The following SLC30A9 variants were observed in gnomAD, a reference collection of about 807,000 sequenced individuals.
SLC30A9 encodes proton-coupled zinc antiporter SLC30A9, mitochondrial.
SLC30A9 carries 58 observed loss-of-function variants against 87.5 expected under a neutral mutation model. The ratio of observed to expected loss-of-function variants is 0.66; its 90% CI spans 0.54 to 0.82. The LOEUF (loss-of-function observed/expected upper bound fraction) is 0.82, where lower values mean the gene tolerates loss of function less well. Ranked by LOEUF, SLC30A9 falls within the 40% of genes least tolerant of loss-of-function variation. The pLI is 0.00. For synonymous variants in SLC30A9, 234 were observed against 233.0 expected (o/e 1.00, Z -0.04); for missense variants, 557 against 679.1 (o/e 0.82, Z 2.00).
At chr4:42,004,817 A>G (rs887619875) in intron 2 of SLC30A9, among the ~76,000 whole-genome samples, 1 of 151,596 alleles carries the variant, frequency 6.6e-6, no homozygotes, top group Non-Finnish European at 1.5e-5. Context: ...ACGCCCAGCT[A>G]ATTTATTTTT....
intron 8 of SLC30A9, among the ~76,000 whole-genome samples, chr4:42,042,699 T>C (rs1716972894): frequency 1.3e-5 from 2 of 152,182 alleles, no homozygotes; most frequent in African/African-American, 4.8e-5. Flanking sequence ...GAGCAGCGGA[T>C]CTCCCAGCAC....
At chr4:42,051,327 A>G (rs953477613) in intron 9 of SLC30A9, among the ~76,000 whole-genome samples, 1 of 152,240 alleles carries the variant, frequency 6.6e-6, no homozygotes, top group Admixed American at 6.5e-5. Context: ...TAATAAAGGC[A>G]GCAAAATCCA....
At position 42,018,522 on chromosome 4, in the gene SLC30A9, A is replaced by G. The variant is rs1049814630; in HGVS notation, c.334+352A>G. On this transcript the variant is annotated intron_variant, in intron 3 of 17. Coordinates refer to ENST00000264451, the MANE Select transcript of SLC30A9 (RefSeq NM_006345.4). Reference sequence around the variant, plus strand: ...CAAATCCAGGTAGAGTTTGGCCGTTATTGTCTGACTTTATTTTCTAGGAGA... The same window carrying G: ...CAAATCCAGGTAGAGTTTGGCCGTTGTTGTCTGACTTTATTTTCTAGGAGA... The G allele has an allele frequency of 1.5e-5, 12 of 825,778 alleles. No individual in the cohort carries two copies. The African/African-American group carries it at 1.8e-4, about 13-fold the overall frequency. 51.2% of individuals were successfully genotyped at this position (825,778 alleles called of 1,614,324 possible).
At chr4:42,059,631 A>G (rs1026525179) in intron 9 of SLC30A9, among the ~76,000 whole-genome samples, 9 of 152,188 alleles carry the variant, frequency 5.9e-5, no homozygotes, top group Admixed American at 3.3e-4. Flanking sequence ...TTGTAAAGCT[A>G]TACAAGTTAT....
At chr4:42,056,918 G>T (rs939505309) in intron 9 of SLC30A9, among the ~76,000 whole-genome samples, 1 of 152,146 alleles carries the variant, frequency 6.6e-6, no homozygotes, top group Non-Finnish European at 1.5e-5. Context: ...AAACAAAGGG[G>T]CTACAGGCCC....
intron 2 of SLC30A9, among the ~76,000 whole-genome samples, chr4:42,010,930 G>A (rs1715414128): frequency 6.6e-6 from 1 of 152,138 alleles, no homozygotes; most frequent in South Asian, 2.1e-4. Context: ...TGTGCTATTT[G>A]AATAGCAAGG....
In SLC30A9 at chr4:42,089,461, G is replaced by C. The variant is rs1340774953; in HGVS notation, c.*3335G>C. Reference sequence around the variant, plus strand: ...TTTTTTGAGACAGAGTTTCGTTCTTGTTGCCCAGGCTGGAGTGCACTGGCA... The same window carrying C: ...TTTTTTGAGACAGAGTTTCGTTCTTCTTGCCCAGGCTGGAGTGCACTGGCA... On this transcript the variant is annotated 3_prime_UTR_variant, in exon 18 of 18. Coordinates refer to ENST00000264451, the MANE Select transcript of SLC30A9 (RefSeq NM_006345.4). 2.0e-5 allele frequency: 3 copies of C among 151,842 alleles called. No individual in the cohort carries two copies. The East Asian group carries it at 5.8e-4, about 29-fold the overall frequency. The allele number at this position is 151,842 out of a possible 1,614,324, so 9.4% of individuals were successfully genotyped here.
At chr4:42,027,069 T>TA (rs1308780141) in intron 6 of SLC30A9, among the ~76,000 whole-genome samples, 2 of 152,210 alleles carry the variant, frequency 1.3e-5, no homozygotes, top group Non-Finnish European at 2.9e-5. Context: ...TTGCCGGTGT[T>TA]ACGGCATCTG....
chr4:42,033,034 G>GTA (rs1003643239), intron 6 of SLC30A9, among the ~76,000 whole-genome samples: 16 of 152,092 alleles, frequency 1.1e-4, no homozygotes, highest in Non-Finnish European at 2.2e-4. Flanking sequence ...TGTATCTTTA[G>GTA]TATATATATC....
chr4:42,075,754 T>G lies in SLC30A9; in HGVS notation c.1516T>G (p.Leu506Val). The part of the protein sequence containing the change: ...FDGRVVTRSY[L>V]EKQDFDQMLQ... ...TGGGCGAGTTGTTACAAGATCATAT[T>G]TGGAAAAACAAGATTTTGACCAAAT... The change falls in exon 16 of 18, where the codon TTG becomes GTG. Residue 506 changes from leucine to valine, a missense_variant. Physicochemically the swap from Leu to Val is conservative, Grantham distance 32. Transcript: ENST00000264451. The G allele has an allele frequency of 5.0e-6, 8 of 1,612,118 alleles. No homozygotes were observed. The highest frequency in any genetic ancestry group is 5.1e-6 in the Non-Finnish European group (6 of 1,178,442).
rs574513330 is a variant in SLC30A9, at chr4:42,000,827, G to C, written c.110-789G>C. On this transcript the variant is annotated intron_variant, in intron 1 of 17. Coordinates refer to ENST00000264451, the MANE Select transcript of SLC30A9 (RefSeq NM_006345.4). Reference sequence around the variant, plus strand: ...TTGGAAAAACTTGACTATCTGTAATGATGTAATTTGATTTCACCTAAAACT... The same window carrying C: ...TTGGAAAAACTTGACTATCTGTAATCATGTAATTTGATTTCACCTAAAACT... Among the ~76,000 whole-genome samples, 16 of 152,104 alleles carry C rather than the reference G, an allele frequency of 1.1e-4. No homozygotes were observed. The East Asian group carries it at 3.1e-3, about 29-fold the overall frequency.
intron 6 of SLC30A9, among the ~76,000 whole-genome samples, chr4:42,027,224 A>G (rs1183723129): frequency 2.0e-5 from 3 of 152,238 alleles, no homozygotes; most frequent in Non-Finnish European, 2.9e-5. Context: ...TTTGTGACAG[A>G]TGAAAATTAA....
intron 6 of SLC30A9, 132 bp downstream of exon 6, chr4:42,023,516 C>T (rs1716062588): frequency 7.0e-6 from 4 of 571,574 alleles, no homozygotes; most frequent in Non-Finnish European, 1.3e-5. Flanking sequence ...TGCTAGTTTC[C>T]GTTTTGGGAT....
chr4:42,048,470 G>A (rs1178216750), intron 8 of SLC30A9, among the ~76,000 whole-genome samples: 1 of 151,676 alleles, frequency 6.6e-6, no homozygotes, highest in Non-Finnish European at 1.5e-5. Context: ...TATAAAATGG[G>A]GGTGTTAATA....
chr4:42,043,180 G>A (rs562558809), intron 8 of SLC30A9, among the ~76,000 whole-genome samples: 4 of 152,242 alleles, frequency 2.6e-5, no homozygotes, highest in African/African-American at 9.6e-5. Flanking sequence ...TCCTCCAAAG[G>A]ATCACAACTC....
At chr4:42,024,453 C>G (rs1716103480) in intron 6 of SLC30A9, among the ~76,000 whole-genome samples, 1 of 152,172 alleles carries the variant, frequency 6.6e-6, no homozygotes, top group Non-Finnish European at 1.5e-5. Context: ...TATAGTACCC[C>G]ATTGTATGGA....
chr4:41,999,339 G>T (rs1714879037), intron 1 of SLC30A9, among the ~76,000 whole-genome samples: 1 of 152,138 alleles, frequency 6.6e-6, no homozygotes, highest in Non-Finnish European at 1.5e-5. Context: ...ATTCTGAGTA[G>T]TAAATGAAGG....
At chr4:41,990,917 C>G (rs1481811189) in intron 1 of SLC30A9, among the ~76,000 whole-genome samples, 157 bp downstream of exon 1, 1 of 152,262 alleles carries the variant, frequency 6.6e-6, no homozygotes, top group Non-Finnish European at 1.5e-5. Context: ...CTGCGCAGCC[C>G]GCGGGGGTCC....
chr4:42,031,716 GTTC>G (rs1342457188), intron 6 of SLC30A9, among the ~76,000 whole-genome samples: 2 of 152,092 alleles, frequency 1.3e-5, no homozygotes, highest in Non-Finnish European at 2.9e-5. Flanking sequence ...AAAGAATTCT[GTTC>G]TTCTCATTAG....
Sources: gnomAD v4.1 joint callset for allele counts (sites outside exome capture counted in the v4.1 genomes callset) on GRCh38, gnomAD v4.1.1 for gene constraint, MANE v1.5 for transcripts, NCBI Gene and HGNC (gene_info 2026-07-23, HGNC 2026-07-21) for gene names.